The following CECR2 variants were observed in gnomAD, a reference collection of about 807,000 sequenced individuals.
The protein encoded by CECR2 is chromatin remodeling regulator CECR2.
In CECR2, 30 loss-of-function variants were observed where a neutral mutation model predicts 154.5. The observed-to-expected ratio is 0.19, with a 90% CI of 0.15 to 0.26. The LOEUF is 0.26. Ranked by LOEUF, CECR2 falls within the 10% of genes least tolerant of loss-of-function variation. The pLI is 1.00. For synonymous variants in CECR2, 725 were observed against 683.7 expected (o/e 1.06, Z -0.94); for missense variants, 1,743 against 1,829.3 (o/e 0.95, Z 0.86).
chr22:17,403,585 T>C (rs146390114), intron 1 of CECR2, among the ~76,000 whole-genome samples: 224 of 152,324 alleles, frequency 1.5e-3, no homozygotes, highest in African/African-American at 5.1e-3. Flanking sequence ...CTTTTGCTTA[T>C]CACTATTCAG....
At chr22:17,426,228 G>A (rs371414194) in intron 1 of CECR2, among the ~76,000 whole-genome samples, 1 of 151,918 alleles carries the variant, frequency 6.6e-6, no homozygotes, top group African/African-American at 2.4e-5. Flanking sequence ...CACAAAAAAA[G>A]ATTAAAAAGA....
chr22:17,462,607 T>G (rs1202694764), intron 1 of CECR2, among the ~76,000 whole-genome samples: 1 of 151,938 alleles, frequency 6.6e-6, no homozygotes, highest in East Asian at 1.9e-4. Context: ...GGTGAGAAGT[T>G]TAGGTCATCA....
At chr22:17,477,036 C>T in intron 1 of CECR2, 1 of 698,390 alleles carries the variant, frequency 1.4e-6, no homozygotes, top group South Asian at 1.5e-5. Flanking sequence ...CTCGCAATCA[C>T]CTTTCATCAG....
At chr22:17,497,985 GTA>G (rs912728931) in intron 3 of CECR2, among the ~76,000 whole-genome samples, 2 of 152,150 alleles carry the variant, frequency 1.3e-5, no homozygotes, top group African/African-American at 4.8e-5. Context: ...ACTTGAAACC[GTA>G]TATGTTAGTG....
At chr22:17,502,977 C>T (rs2146890256) in intron 5 of CECR2, 105 bp from the exon 6 acceptor site, 1 of 937,996 alleles carries the variant, frequency 1.1e-6, no homozygotes, top group Non-Finnish European at 1.7e-6. Context: ...CACACACATA[C>T]ACTCTCTTTG....
chr22:17,412,101 T>C (rs1473235318), intron 1 of CECR2, among the ~76,000 whole-genome samples: 1 of 152,196 alleles, frequency 6.6e-6, no homozygotes, highest in Non-Finnish European at 1.5e-5. Context: ...GGTAAATTTC[T>C]AAAATATTCT....
chr22:17,473,159 C>T (rs998614711), intron 1 of CECR2, among the ~76,000 whole-genome samples: 3 of 152,218 alleles, frequency 2.0e-5, no homozygotes, highest in Admixed American at 6.5e-5. Context: ...TTCAGCTACT[C>T]TCTGAAGCTG....
rs547527286 is a variant in CECR2 at position 17,396,185 on chromosome 22, T to C, written c.126+26276T>C. On this transcript the variant is annotated intron_variant, in intron 1 of 18. Transcript: ENST00000262608. The stretch of plus-strand genomic sequence containing the variant: ...TGAGCCCAGGAGGTTGAGGCTGTAG[T>C]AAGCCATGATCATACCACTGCACTC... Among the ~76,000 whole-genome samples, 4 of 147,282 alleles carry C rather than the reference T, an allele frequency of 2.7e-5. No homozygotes were observed. In the East Asian group the frequency reaches 6.0e-4, roughly 22 times the overall value.
chr22:17,529,744 C>T (rs1191217851), intron 9 of CECR2, among the ~76,000 whole-genome samples: 1 of 151,834 alleles, frequency 6.6e-6, no homozygotes, highest in Non-Finnish European at 1.5e-5. Flanking sequence ...AGGACAGTCT[C>T]TGACACACAT....
At chr22:17,397,081 A>ATT (rs1411721101) in intron 1 of CECR2, among the ~76,000 whole-genome samples, 1 of 151,950 alleles carries the variant, frequency 6.6e-6, no homozygotes, top group Non-Finnish European at 1.5e-5. Flanking sequence ...TGCATGGGAC[A>ATT]TTCTCCACAG....
At chr22:17,516,352 A>G (rs986828354) in intron 8 of CECR2, among the ~76,000 whole-genome samples, 1 of 152,070 alleles carries the variant, frequency 6.6e-6, no homozygotes, top group Non-Finnish European at 1.5e-5. Flanking sequence ...GTGTGTACAC[A>G]TGGATGGCAC....
At position 17,497,002 on chromosome 22, in the gene CECR2, T is replaced by TTGTC. The variant is rs1201008957; in HGVS notation, c.222-400_222-397dup. On this transcript the variant is annotated intron_variant, in intron 2 of 18. Transcript: ENST00000262608. ...TTCATTTCTGCTTTCTGTGTAAAAT[T>TTGTC]TGTCAACTGGGCCAAGCGTGTTACC... Among the ~76,000 whole-genome samples, 3 of 152,154 alleles carry TTGTC rather than the reference T, an allele frequency of 2.0e-5. No individual in the cohort carries two copies. In the East Asian group the frequency reaches 5.8e-4, roughly 29 times the overall value.
In CECR2 at chr22:17,540,580, C is replaced by T. The variant is rs777460800; in HGVS notation, c.1664C>T (p.Thr555Ile). The change falls in exon 14 of 19, where the codon ACC becomes ATC. Residue 555 changes from threonine to isoleucine, a missense_variant. Physicochemically the swap from Thr to Ile is moderately conservative, Grantham distance 89 (BLOSUM62 -1). Around this residue, in one of 4 missense-constraint regions of CECR2, gnomAD observed 1,250 missense variants for 1,192.1 expected, o/e 1.05. Transcript: ENST00000262608. The stretch of plus-strand genomic sequence containing the variant: ...CGAAGTGGTGGGAGCCATGTTTGGA[C>T]CCGCTCCAGGGACCCAGAAGGGTCC... Reference protein sequence around the residue: ...AGRSGGSHVWTRSRDPEGSSR... With the variant: ...AGRSGGSHVWIRSRDPEGSSR... 1 of 1,612,864 alleles carries T rather than the reference C, an allele frequency of 6.2e-7. No homozygotes were observed. The highest frequency in any genetic ancestry group is 1.3e-5 in the African/African-American group (1 of 74,886).
chr22:17,463,766 G>A (rs1297401664), intron 1 of CECR2, among the ~76,000 whole-genome samples: 1 of 152,052 alleles, frequency 6.6e-6, no homozygotes, highest in African/African-American at 2.4e-5. Flanking sequence ...GGTGTAATGA[G>A]AGCCAGCCTA....
intron 1 of CECR2, among the ~76,000 whole-genome samples, chr22:17,388,012 TG>T (rs1245415835): frequency 6.6e-6 from 1 of 152,128 alleles, no homozygotes; most frequent in Non-Finnish European, 1.5e-5. Context: ...TGGAGTGCAG[TG>T]GTGCCATCTG....
At chr22:17,480,181 C>G (rs1018459517) in intron 2 of CECR2, among the ~76,000 whole-genome samples, 5 of 151,924 alleles carry the variant, frequency 3.3e-5, no homozygotes, top group African/African-American at 1.2e-4. Flanking sequence ...GGATTATTAT[C>G]TATCTCTTTT....
chr22:17,378,048 A>G (rs1029498251), intron 1 of CECR2, among the ~76,000 whole-genome samples: 6 of 148,322 alleles, frequency 4.0e-5, no homozygotes, highest in Non-Finnish European at 7.5e-5. Flanking sequence ...CAGTGGCGCT[A>G]TCTTGGCTCA....
intron 2 of CECR2, among the ~76,000 whole-genome samples, chr22:17,480,567 A>C (rs980841911): frequency 6.6e-6 from 1 of 152,144 alleles, no homozygotes; most frequent in African/African-American, 2.4e-5. Flanking sequence ...AATCTACTTT[A>C]CTTTTTTCCC....
intron 1 of CECR2, among the ~76,000 whole-genome samples, chr22:17,450,785 A>G (rs1422335019): frequency 6.6e-6 from 1 of 152,216 alleles, no homozygotes; most frequent in Non-Finnish European, 1.5e-5. Context: ...TGCCCACACA[A>G]AAACCTTAGT....
Sources: allele counts gnomAD v4.1 joint callset (sites outside exome capture counted in the v4.1 genomes callset), GRCh38; gene constraint gnomAD v4.1.1; regional missense constraint gnomAD v4.1.1; transcripts MANE v1.5; gene names NCBI Gene and HGNC (gene_info 2026-07-23, HGNC 2026-07-21).